The following SYNPR variants were observed in gnomAD, a reference collection of about 807,000 sequenced individuals.
The protein encoded by SYNPR is synaptoporin.
A neutral mutation model predicts 32.9 loss-of-function variants in SYNPR; 23 were observed. The observed-to-expected ratio is 0.70, with a 90% CI of 0.50 to 0.99. The LOEUF (loss-of-function observed/expected upper bound fraction) is 0.99, where lower values mean the gene tolerates loss of function less well. Ranked by LOEUF, SYNPR falls within the 50% of genes least tolerant of loss-of-function variation. The probability of loss-of-function intolerance (pLI) is 0.00; values close to 1 mark genes in which losing one functional copy is unlikely to be tolerated. For synonymous variants in SYNPR, 146 were observed against 135.9 expected (o/e 1.07, Z -0.52); for missense variants, 318 against 349.3 (o/e 0.91, Z 0.71).
upstream of SYNPR, among the ~76,000 whole-genome samples, chr3:63,223,736 C>T (rs944079719): frequency 6.6e-6 from 1 of 152,182 alleles, no homozygotes; most frequent in African/African-American, 2.4e-5. Flanking sequence ...GGACTGCCCC[C>T]CTCTTCTATA....
chr3:63,484,119 T>C (rs188455870), intron 3 of SYNPR, among the ~76,000 whole-genome samples: 46 of 152,328 alleles, frequency 3.0e-4, no homozygotes, highest in African/African-American at 1.1e-3. Flanking sequence ...TTCTAATAAA[T>C]ATGCCGAAGT....
chr3:63,592,252 C>T (rs1017445591), intron 4 of SYNPR, among the ~76,000 whole-genome samples: 2 of 152,122 alleles, frequency 1.3e-5, no homozygotes, highest in Admixed American at 6.6e-5. Context: ...GCTAACACTT[C>T]GGTTTTCAAC....
Position 63,556,590 on chromosome 3 carries a change from G to T in SYNPR, c.257G>T (p.Arg86Leu). Residue 86 changes from arginine to leucine, a missense_variant, in exon 4 of 6, where the codon CGG becomes CTG. By Grantham distance (102) the Arg-to-Leu change is moderately radical. Coordinates refer to ENST00000478300, the MANE Select transcript of SYNPR (RefSeq NM_001130003.2). ...FEVPTCEGKE[R>L]QKLALIGDSS... ...GTGCCCACCTGCGAGGGAAAGGAACGGCAGAAGCTGGCATTGATTGGTGAC... is the reference window on the plus strand; with the variant it reads ...GTGCCCACCTGCGAGGGAAAGGAACTGCAGAAGCTGGCATTGATTGGTGAC... 1 of 1,613,624 alleles carries T rather than the reference G, an allele frequency of 6.2e-7. No individual in the cohort carries two copies. Among genetic ancestry groups the T allele is most frequent in the Non-Finnish European group, 8.5e-7 (1 of 1,179,714 alleles).
At chr3:63,405,441 C>T (rs1364018939) in intron 2 of SYNPR, among the ~76,000 whole-genome samples, 1 of 152,068 alleles carries the variant, frequency 6.6e-6, no homozygotes, top group Non-Finnish European at 1.5e-5. Context: ...GCTTTCCACT[C>T]CTTCAAGGAA....
chr3:63,515,696 T>C (rs1701784130), intron 3 of SYNPR, among the ~76,000 whole-genome samples: 1 of 152,136 alleles, frequency 6.6e-6, no homozygotes, highest in South Asian at 2.1e-4. Context: ...TCTGTTTTTA[T>C]TACTAAACCA....
At chr3:63,418,439 G>C (rs1209982186) in intron 2 of SYNPR, among the ~76,000 whole-genome samples, 1 of 152,142 alleles carries the variant, frequency 6.6e-6, no homozygotes, top group Non-Finnish European at 1.5e-5. Context: ...CTGCCTGTTA[G>C]CCAGTTCCAA....
At chr3:63,211,862 C>CTT in the SYNPR span, among the ~76,000 whole-genome samples, 1 of 111,642 alleles carries the variant, frequency 9.0e-6, no homozygotes, top group African/African-American at 3.5e-5. Flanking sequence ...CTCCCCCCTC[C>CTT]CCCGACCCCA....
At chr3:63,377,022 C>A (rs2087904102) in intron 2 of SYNPR, among the ~76,000 whole-genome samples, 1 of 152,096 alleles carries the variant, frequency 6.6e-6, no homozygotes, top group African/African-American at 2.4e-5. Flanking sequence ...CCTTAGCATT[C>A]TCTCTTCAAC....
At chr3:63,303,963 C>T (rs1437608105) in intron 2 of SYNPR, among the ~76,000 whole-genome samples, 3 of 151,970 alleles carry the variant, frequency 2.0e-5, no homozygotes, top group African/African-American at 7.2e-5. Flanking sequence ...TAAAATCATA[C>T]TGTTGCCAAG....
At chr3:63,302,294 C>T (rs2086866169) in intron 2 of SYNPR, among the ~76,000 whole-genome samples, 1 of 152,042 alleles carries the variant, frequency 6.6e-6, no homozygotes, top group East Asian at 1.9e-4. Context: ...GATCCATTCC[C>T]ATTATCCTTC....
At chr3:63,209,241 C>T in the SYNPR span, among the ~76,000 whole-genome samples, 2 of 143,182 alleles carry the variant, frequency 1.4e-5, no homozygotes, top group Non-Finnish European at 3.0e-5. Flanking sequence ...TGGCATGAAC[C>T]CGGGGGGCGG....
At chr3:63,377,627 G>A (rs1560210088) in intron 2 of SYNPR, among the ~76,000 whole-genome samples, 1 of 151,266 alleles carries the variant, frequency 6.6e-6, no homozygotes, top group Non-Finnish European at 1.5e-5. Flanking sequence ...ATACATCTTA[G>A]TTTTTTTTTA....
At chr3:63,207,523 C>G in the SYNPR span, among the ~76,000 whole-genome samples, 305 of 152,232 alleles carry the variant, frequency 2.0e-3, 8 homozygotes, top group East Asian at 0.051. Flanking sequence ...ATTTTATGTA[C>G]TAAGAACAAC....
chr3:63,353,667 CT>C (rs771785337), intron 2 of SYNPR, among the ~76,000 whole-genome samples: 1 of 152,182 alleles, frequency 6.6e-6, no homozygotes, highest in Non-Finnish European at 1.5e-5. Flanking sequence ...TTTAAGCAAA[CT>C]GTCCCCTCCA....
At chr3:63,580,775 T>C (rs1703076132) in intron 4 of SYNPR, among the ~76,000 whole-genome samples, 1 of 152,186 alleles carries the variant, frequency 6.6e-6, no homozygotes, top group African/African-American at 2.4e-5. Context: ...TATACAGTTC[T>C]GGCAAATTAG....
At chr3:63,417,351 G>T (rs1462146516) in intron 2 of SYNPR, among the ~76,000 whole-genome samples, 1 of 152,252 alleles carries the variant, frequency 6.6e-6, no homozygotes, top group Non-Finnish European at 1.5e-5. Context: ...CTCCGCCCCT[G>T]TGGCTTTGCA....
At chr3:63,402,028 C>G (rs1158722401) in intron 2 of SYNPR, among the ~76,000 whole-genome samples, 2 of 151,598 alleles carry the variant, frequency 1.3e-5, no homozygotes, top group Admixed American at 1.3e-4. Context: ...GACAAATAGG[C>G]CCCTGCTGTT....
At chr3:63,427,960 C>T (rs977927173) in intron 2 of SYNPR, among the ~76,000 whole-genome samples, 3 of 152,160 alleles carry the variant, frequency 2.0e-5, no homozygotes, top group African/African-American at 4.8e-5. Flanking sequence ...GAAATGGAAA[C>T]TGAATAAGTC....
intron 2 of SYNPR, among the ~76,000 whole-genome samples, chr3:63,369,236 G>A (rs565510350): frequency 2.7e-4 from 41 of 152,250 alleles, no homozygotes; most frequent in Non-Finnish European, 5.0e-4. Context: ...TAAGGACAGG[G>A]ACCTCAGGAG....
Sources: gnomAD v4.1 joint callset for allele counts (sites outside exome capture counted in the v4.1 genomes callset) on GRCh38, gnomAD v4.1.1 for gene constraint, MANE v1.5 for transcripts, NCBI Gene and HGNC (gene_info 2026-07-23, HGNC 2026-07-21) for gene names.